The following ARHGAP18 variants were observed in gnomAD, a reference collection of about 807,000 sequenced individuals.
ARHGAP18 encodes Rho GTPase activating protein 18, also known as rho GTPase-activating protein 18.
Under a neutral mutation model 86.2 loss-of-function variants are expected in ARHGAP18, and 67 were observed. The ratio of observed to expected loss-of-function variants is 0.78; its 90% CI spans 0.64 to 0.95. ARHGAP18 has a LOEUF of 0.95. Ranked by LOEUF, ARHGAP18 falls within the 40% of genes least tolerant of loss-of-function variation. ARHGAP18 has a pLI of 0.00. For missense variants in ARHGAP18, 691 were observed against 780.4 expected, an observed-to-expected ratio of 0.89 and a Z score of 1.37; for synonymous variants, 283 against 280.4, an observed-to-expected ratio of 1.01 and a Z score of -0.09.
rs1315060646 is a variant in ARHGAP18 at position 129,661,162 on chromosome 6, G to A, written c.114-19144C>T. 2.0e-5 allele frequency among the ~76,000 whole-genome samples: 3 copies of A among 151,734 alleles called. No individual in the cohort carries two copies. In the East Asian group the frequency reaches 5.8e-4, roughly 29 times the overall value. ...GCTAGGCAACAAAAATTTGATACGA[G>A]TGGAAGCAGAAATAAATGGAAACTA... On this transcript the variant is annotated intron_variant, in intron 1 of 14. Coordinates refer to ENST00000368149, the MANE Select transcript of ARHGAP18 (RefSeq NM_033515.3).
Position 129,599,410 on chromosome 6 carries a change from A to G in ARHGAP18, c.1573-54T>C. 4.5e-6 allele frequency: 6 copies of G among 1,344,140 alleles called. No homozygotes were observed. The East Asian group carries it at 1.6e-4, about 37-fold the overall frequency. 83.3% of individuals were successfully genotyped at this position (1,344,140 alleles called of 1,614,324 possible). ...AGGAAAAAGAAATGCCACCATTTTA[A>G]ACTACAAAAAAAAATTATATTTTTT... On this transcript the variant is annotated intron_variant, in intron 11 of 14. Coordinates refer to ENST00000368149, the MANE Select transcript of ARHGAP18 (RefSeq NM_033515.3).
chr6:129,701,823 T>G (rs558718179), intron 1 of ARHGAP18, among the ~76,000 whole-genome samples: 1 of 151,496 alleles, frequency 6.6e-6, no homozygotes, highest in East Asian at 1.9e-4. Context: ...AAGAGATGGG[T>G]CAGTTAGCTA....
intron 1 of ARHGAP18, among the ~76,000 whole-genome samples, chr6:129,660,268 T>A (rs1434946737): frequency 1.3e-5 from 2 of 152,230 alleles, no homozygotes. Flanking sequence ...GGGGCCAAGA[T>A]GCTGTGGCGT....
intron 1 of ARHGAP18, among the ~76,000 whole-genome samples, chr6:129,656,115 C>G (rs1189656353): frequency 6.6e-6 from 1 of 152,232 alleles, no homozygotes; most frequent in Non-Finnish European, 1.5e-5. Flanking sequence ...TACTGACTCC[C>G]TATTAATTGC....
rs769439947 is a variant in ARHGAP18, at chr6:129,641,913, T to C, written c.219A>G (p.Leu73=). ...GTTCTATCCAATAGTCTTCCATAGATAGTTCATCCAAAGAATCCTGGGAAA... is the reference window on the plus strand; with the variant it reads ...GTTCTATCCAATAGTCTTCCATAGACAGTTCATCCAAAGAATCCTGGGAAA... ...RSISQDSLDE[L]SMEDYWIELE... is the part of the protein sequence containing the mutation. The change falls in exon 2 of 15, where the codon CTA becomes CTG. Residue 73 remains leucine (L), a synonymous_variant. Coordinates refer to ENST00000368149, the MANE Select transcript of ARHGAP18 (RefSeq NM_033515.3). 1.2e-6 allele frequency: 2 copies of C among 1,613,970 alleles called. No homozygotes were observed. Among genetic ancestry groups the C allele is most frequent in the Non-Finnish European group, 8.5e-7 (1 of 1,179,878 alleles).
At chr6:129,607,606 A>G (rs1427033642) in intron 9 of ARHGAP18, among the ~76,000 whole-genome samples, 1 of 152,204 alleles carries the variant, frequency 6.6e-6, no homozygotes, top group Non-Finnish European at 1.5e-5. Context: ...TTATAAGAGA[A>G]ACATGAAGTT....
intron 10 of ARHGAP18, among the ~76,000 whole-genome samples, chr6:129,603,895 T>C (rs1788798433): frequency 6.6e-6 from 1 of 152,204 alleles, no homozygotes; most frequent in South Asian, 2.1e-4. Flanking sequence ...TGTAGCAATA[T>C]TCCAAACAAC....
chr6:129,623,641 G>T (rs965438034), intron 5 of ARHGAP18, among the ~76,000 whole-genome samples: 5 of 152,182 alleles, frequency 3.3e-5, no homozygotes, highest in African/African-American at 1.2e-4. Flanking sequence ...TATCTACTTA[G>T]ACACCTGCCT....
At chr6:129,610,886 C>T (rs1788964737) in intron 8 of ARHGAP18, among the ~76,000 whole-genome samples, 1 of 152,020 alleles carries the variant, frequency 6.6e-6, no homozygotes, top group African/African-American at 2.4e-5. Context: ...CTTGGCCTCC[C>T]AAAGTGTTTT....
At chr6:129,633,522 A>C (rs1210122675) in intron 4 of ARHGAP18, among the ~76,000 whole-genome samples, 1 of 152,176 alleles carries the variant, frequency 6.6e-6, no homozygotes, top group Non-Finnish European at 1.5e-5. Context: ...AGAAACATGA[A>C]AAGTAGAATT....
At position 129,605,134 on chromosome 6, in the gene ARHGAP18, A is replaced by T. The variant is rs1562686141; in HGVS notation, c.1365+743T>A. Among the ~76,000 whole-genome samples, 5 of 152,016 alleles carry T rather than the reference A, an allele frequency of 3.3e-5. No homozygotes were observed. The East Asian group carries it at 5.8e-4, about 18-fold the overall frequency. On this transcript the variant is annotated intron_variant, in intron 10 of 14. Coordinates refer to ENST00000368149, the MANE Select transcript of ARHGAP18 (RefSeq NM_033515.3). ...TTAAGATAATACTTTTACTAAGTTA[A>T]TTTTTTTTCCTTTTTCTAAGAGTTT...
At chr6:129,633,003 G>A (rs1013577359) in intron 4 of ARHGAP18, among the ~76,000 whole-genome samples, 1 of 152,084 alleles carries the variant, frequency 6.6e-6, no homozygotes, top group African/African-American at 2.4e-5. Context: ...CTTTGTTTTA[G>A]TTTGTTAAAT....
intron 1 of ARHGAP18, among the ~76,000 whole-genome samples, chr6:129,661,479 T>C (rs186854910): frequency 6.7e-6 from 1 of 149,414 alleles, no homozygotes; most frequent in Admixed American, 6.7e-5. Context: ...TTTCCCCCTA[T>C]TTAATAAATA....
At chr6:129,659,264 C>T (rs959385248) in intron 1 of ARHGAP18, among the ~76,000 whole-genome samples, 5 of 152,174 alleles carry the variant, frequency 3.3e-5, no homozygotes, top group Admixed American at 2.6e-4. Flanking sequence ...GCAGGTTCTC[C>T]TCGTAGAGCC....
In ARHGAP18 at chr6:129,595,741, T is replaced by G. The variant is rs538776810; in HGVS notation, c.1713+3475A>C. On this transcript the variant is annotated intron_variant, in intron 12 of 14. Coordinates refer to ENST00000368149, the MANE Select transcript of ARHGAP18 (RefSeq NM_033515.3). ...TATGCACCTAAGTGGCCAGTTAGTA[T>G]GACCTGATTTTCTCTCCAAACATTT... 5.9e-5 allele frequency among the ~76,000 whole-genome samples: 9 copies of G among 152,302 alleles called. 1 individual carries two copies. The South Asian group carries it at 1.9e-3, about 32-fold the overall frequency.
intron 3 of ARHGAP18, among the ~76,000 whole-genome samples, chr6:129,635,564 G>T (rs561716569): frequency 6.6e-6 from 1 of 152,348 alleles, no homozygotes; most frequent in South Asian, 2.1e-4. Context: ...GGAGCATGTG[G>T]TCGGAATTAT....
intron 12 of ARHGAP18, among the ~76,000 whole-genome samples, chr6:129,594,935 G>A (rs771524860): frequency 6.6e-6 from 1 of 152,222 alleles, no homozygotes; most frequent in Non-Finnish European, 1.5e-5. Context: ...ATCCTTCTTA[G>A]AGTCCTTCTG....
chr6:129,610,700 T>C (rs1386166804), intron 8 of ARHGAP18, among the ~76,000 whole-genome samples: 1 of 152,116 alleles, frequency 6.6e-6, no homozygotes, highest in Non-Finnish European at 1.5e-5. Flanking sequence ...CGATCTTGGC[T>C]CACTGCAACC....
chr6:129,691,775 A>G (rs1584117144), intron 1 of ARHGAP18, among the ~76,000 whole-genome samples: 1 of 152,208 alleles, frequency 6.6e-6, no homozygotes. Context: ...CCACTGCCCA[A>G]TCTGTTTTCT....
Sources: gnomAD v4.1 joint callset for allele counts (sites outside exome capture counted in the v4.1 genomes callset) on GRCh38, gnomAD v4.1.1 for gene constraint, MANE v1.5 for transcripts, NCBI Gene and HGNC (gene_info 2026-07-23, HGNC 2026-07-21) for gene names.